Variants in MYL7 observed in about 807,000 individuals in gnomAD.
The protein encoded by MYL7 is myosin regulatory light chain 2, atrial isoform.
Under a neutral mutation model 22.5 loss-of-function variants are expected in MYL7, and 27 were observed. The observed-to-expected ratio is 1.20, with a 90% confidence interval of 0.89 to 1.66. MYL7 has a LOEUF of 1.66. Among genes scored for constraint, MYL7 ranks in the 40% most tolerant of loss-of-function variants. The pLI is 0.00. For synonymous variants in MYL7, 81 were observed against 84.4 expected (o/e 0.96, Z 0.22); for missense variants, 209 against 226.8 (o/e 0.92, Z 0.50).
Position 44,141,034 on chromosome 7 carries a change from G to A in MYL7, c.44C>T (p.Thr15Ile), listed in dbSNP as rs749683296. 6.2e-7 allele frequency: 1 copy of A among 1,613,996 alleles called. No individual in the cohort carries two copies. Among genetic ancestry groups the A allele is most frequent in the South Asian group, 1.1e-5 (1 of 91,086 alleles). The part of the protein sequence containing the change: ...KAGTRGKVAA[T>I]KQAQRGSSNV... ...GGAAGAACCACGTTGGGCCTGCTTG[G>A]TGGCTGCCACCTTGCCCCGGGTCCC... Residue 15 changes from threonine (T) to isoleucine (I), a missense_variant, in exon 2 of 7, where the codon ACC (threonine) becomes ATC (isoleucine). Physicochemically the swap from Thr to Ile is moderately conservative, Grantham distance 89 (BLOSUM62 -1). Coordinates refer to ENST00000223364, the MANE Select transcript of MYL7 (RefSeq NM_021223.3).
chr7:44,141,289 C>T lies in MYL7; in HGVS notation c.3+14G>A. On this transcript the variant is annotated intron_variant, in intron 1 of 6. Transcript: ENST00000223364. ...TGGGAGACCGCTAGCCTTTCTTCCC[C>T]AGCAGGCACTCACCATTCTCTCTGC... 1 of 1,614,046 alleles carries T rather than the reference C, an allele frequency of 6.2e-7. No homozygotes were observed. The highest frequency in any genetic ancestry group is 8.5e-7 in the Non-Finnish European group (1 of 1,179,958).
At chr7:44,140,601 G>T in intron 3 of MYL7, 111 bp downstream of exon 3, 1 of 1,242,400 alleles carries the variant, frequency 8.0e-7, no homozygotes, top group Non-Finnish European at 1.1e-6. Context: ...GTGAGGAGAC[G>T]GGGAGGAGGG....
intron 3 of MYL7, 24 bp downstream of exon 3, chr7:44,140,688 A>G: frequency 6.3e-7 from 1 of 1,581,246 alleles, no homozygotes; most frequent in Non-Finnish European, 8.6e-7. Context: ...CCCAGTGCGC[A>G]GGGTGGGAGG....
intron 5 of MYL7, 82 bp from the exon 6 acceptor site, chr7:44,139,651 C>A: frequency 1.3e-6 from 2 of 1,572,512 alleles, no homozygotes; most frequent in Middle Eastern, 1.7e-4. Flanking sequence ...TCCCATGGCG[C>A]AGGGAAGGGT....
In MYL7 at chr7:44,138,876, A is replaced by C. The variant is rs1027248550; in HGVS notation, c.*45T>G. On this transcript the variant is annotated 3_prime_UTR_variant, in exon 7 of 7. Transcript: ENST00000223364. Reference sequence around the variant, plus strand: ...GACACCACAGCAATTCCAATTTTGCAACAGAGTTTATTGAGGTGCCCCCCC... The same window carrying C: ...GACACCACAGCAATTCCAATTTTGCCACAGAGTTTATTGAGGTGCCCCCCC... 2 of 1,535,286 alleles carry C rather than the reference A, an allele frequency of 1.3e-6. No individual in the cohort carries two copies. The highest frequency in any genetic ancestry group is 3.3e-5 in the Admixed American group (2 of 59,816).
intron 5 of MYL7, 64 bp from the exon 6 acceptor site, chr7:44,139,633 A>G: frequency 6.3e-7 from 1 of 1,577,306 alleles, no homozygotes; most frequent in Non-Finnish European, 8.6e-7. Flanking sequence ...GAAGGTGGGT[A>G]CGGAGGCTCC....
In MYL7 at chr7:44,139,536, C is replaced by T. The variant is rs771271021; in HGVS notation, c.411G>A (p.Lys137=). The part of the protein sequence containing the change: ...FKQLLLTQAD[K]FSPAEVEQMF... ...GCAGCCTCACCTCAGCTGGAGAGAA[C>T]TTGTCTGCCTGGGTCAGGAGAAGCT... Residue 137 remains lysine, a synonymous_variant, in exon 6 of 7, where the codon AAG becomes AAA. Coordinates refer to ENST00000223364, the MANE Select transcript of MYL7 (RefSeq NM_021223.3). 66 of 1,612,364 alleles carry T rather than the reference C, an allele frequency of 4.1e-5. No homozygotes were observed. The South Asian group carries it at 7.3e-4, about 18-fold the overall frequency.
intron 1 of MYL7, 35 bp downstream of exon 1, chr7:44,141,267 GA>G (rs1395927032): frequency 6.2e-7 from 1 of 1,614,110 alleles, no homozygotes; most frequent in Admixed American, 1.7e-5. Flanking sequence ...CAGCACCTGG[GA>G]GACCGCTAGC....
At chr7:44,141,166 G>C (rs772988860) in intron 1 of MYL7, 92 bp from the exon 2 acceptor site, 1 of 1,575,048 alleles carries the variant, frequency 6.3e-7, no homozygotes, top group South Asian at 1.1e-5. Flanking sequence ...GCATTCCCAG[G>C]AGAGCCAGGG....
chr7:44,139,289 C>A (rs1433305157), intron 6 of MYL7: 5 of 674,082 alleles, frequency 7.4e-6, no homozygotes, highest in Non-Finnish European at 1.3e-5. Context: ...CGAAACCTCT[C>A]CCTATCCACT....
intron 6 of MYL7, 64 bp downstream of exon 6, chr7:44,139,457 G>A: frequency 6.4e-7 from 1 of 1,571,710 alleles, no homozygotes; most frequent in Non-Finnish European, 8.8e-7. Flanking sequence ...CTGGGCTCTG[G>A]GTCATGGGTG....
In MYL7 at chr7:44,141,174, G is replaced by A. The variant is rs368790838; in HGVS notation, c.4-100C>T. On this transcript the variant is annotated intron_variant, in intron 1 of 6. Transcript: ENST00000223364. Reference sequence around the variant, plus strand: ...TCCCAGAGCATTCCCAGGAGAGCCAGGGCCAGGATCCTCTTCCTCTCCCTG... The same window carrying A: ...TCCCAGAGCATTCCCAGGAGAGCCAAGGCCAGGATCCTCTTCCTCTCCCTG... 4.3e-5 allele frequency: 68 copies of A among 1,575,436 alleles called. No homozygotes were observed. In the East Asian group the frequency reaches 4.7e-4, roughly 11 times the overall value.
rs1408026877 is a variant in MYL7 at position 44,139,014 on chromosome 7, C to G, written c.435G>C (p.Gln145His). 1.9e-6 allele frequency: 3 copies of G among 1,613,876 alleles called. No individual in the cohort carries two copies. Among genetic ancestry groups the G allele is most frequent in the Admixed American group, 1.7e-5 (1 of 60,004 alleles). ...GGTCCATGGGTGTCAGGGCGAACATCTGCTCCACCTGCAGGGGACACTGGT... is the reference window on the plus strand; with the variant it reads ...GGTCCATGGGTGTCAGGGCGAACATGTGCTCCACCTGCAGGGGACACTGGT... ...ADKFSPAEVE[Q>H]MFALTPMDLA... Residue 145 changes from glutamine to histidine, a missense_variant, in exon 7 of 7, where the codon CAG becomes CAC. Transcript: ENST00000223364.
rs374397003 is a variant in MYL7, at chr7:44,140,813, G to A, written c.118-26C>T. ...CTGTGGGATGGGGGCCTTCAGGTGG[G>A]AGCAGCCCCCAGCTCTAGGGAAGGT... On this transcript the variant is annotated intron_variant, in intron 2 of 6. Coordinates refer to ENST00000223364, the MANE Select transcript of MYL7 (RefSeq NM_021223.3). The A allele has an allele frequency of 1.0e-4, 169 of 1,610,072 alleles. 3 individuals carry two copies. In the Middle Eastern group the frequency reaches 7.9e-3, roughly 76 times the overall value.
At chr7:44,141,181 G>A in intron 1 of MYL7, 107 bp from the exon 2 acceptor site, 3 of 1,573,722 alleles carry the variant, frequency 1.9e-6, no homozygotes, top group Non-Finnish European at 2.6e-6. Context: ...CCAGGGCCAG[G>A]ATCCTCTTCC....
At position 44,140,799 on chromosome 7, in the gene MYL7, G is replaced by A. The variant is rs1562707744; in HGVS notation, c.118-12C>T. On this transcript the variant is annotated splice_polypyrimidine_tract_variant and intron_variant, in intron 2 of 6. Coordinates refer to ENST00000223364, the MANE Select transcript of MYL7 (RefSeq NM_021223.3). ...ATACAGCTGAAGGCCTGTGGGATGGGGGCCTTCAGGTGGGAGCAGCCCCCA... is the reference window on the plus strand; with the variant it reads ...ATACAGCTGAAGGCCTGTGGGATGGAGGCCTTCAGGTGGGAGCAGCCCCCA... 1 of 1,612,452 alleles carries A rather than the reference G, an allele frequency of 6.2e-7. No individual in the cohort carries two copies. Among genetic ancestry groups the A allele is most frequent in the African/African-American group, 1.3e-5 (1 of 74,798 alleles).
rs2096262629 is a variant in MYL7, at chr7:44,139,517, T to C, written c.426+4A>G. 1 of 1,613,342 alleles carries C rather than the reference T, an allele frequency of 6.2e-7. No homozygotes were observed. The highest frequency in any genetic ancestry group is 8.5e-7 in the Non-Finnish European group (1 of 1,179,708). ...TGAGTATTGAAGGGGCTGGGCAGCC[T>C]CACCTCAGCTGGAGAGAACTTGTCT... On this transcript the variant is annotated splice_donor_region_variant and intron_variant, in intron 6 of 6. Transcript: ENST00000223364.
In MYL7 at chr7:44,139,722, G is replaced by T. The variant is rs1205218365; in HGVS notation, c.377+60C>A. 5.6e-6 allele frequency: 9 copies of T among 1,596,880 alleles called. No individual in the cohort carries two copies. In the South Asian group the frequency reaches 1.0e-4, roughly 18 times the overall value. Reference sequence around the variant, plus strand: ...GCACAGGCAGCCCCCCTCACTAGGGGCCTCACCCCGCTCTCTGCTTCCACC... The same window carrying T: ...GCACAGGCAGCCCCCCTCACTAGGGTCCTCACCCCGCTCTCTGCTTCCACC... On this transcript the variant is annotated intron_variant, in intron 5 of 6. Coordinates refer to ENST00000223364, the MANE Select transcript of MYL7 (RefSeq NM_021223.3).
chr7:44,140,686 G>C, intron 3 of MYL7, 26 bp downstream of exon 3: 1 of 1,578,100 alleles, frequency 6.3e-7, no homozygotes. Context: ...ACCCCAGTGC[G>C]CAGGGTGGGA....
Sources: allele counts gnomAD v4.1 joint callset, GRCh38; gene constraint gnomAD v4.1.1; transcripts MANE v1.5; gene names NCBI Gene and HGNC (gene_info 2026-07-23, HGNC 2026-07-21).